Variants in ADAM22 observed in about 807,000 individuals in gnomAD.
The protein encoded by ADAM22 is ADAM metallopeptidase domain 22.
A neutral mutation model predicts 144.6 loss-of-function variants in ADAM22; 65 were observed. The ratio of observed to expected loss-of-function variants is 0.45; its 90% CI spans 0.37 to 0.55. The LOEUF (loss-of-function observed/expected upper bound fraction) is 0.55, where lower values mean the gene tolerates loss of function less well. Ranked by LOEUF, ADAM22 falls within the 20% of genes least tolerant of loss-of-function variation. The pLI is 0.00. For synonymous variants in ADAM22, 391 were observed against 412.6 expected, an observed-to-expected ratio of 0.95 and a Z score of 0.63; for missense variants, 974 against 1,184.9, an observed-to-expected ratio of 0.82 and a Z score of 2.61.
At position 88,129,474 on chromosome 7, in the gene ADAM22, A is replaced by G. The variant is rs1585996907; in HGVS notation, c.753+798A>G. On this transcript the variant is annotated intron_variant, in intron 9 of 31. Transcript: ENST00000413139. Reference sequence around the variant, plus strand: ...TAGATCTTAATTATTACAGTTGCTAATAATAATAATAACAACACAATCAGG... The same window carrying G: ...TAGATCTTAATTATTACAGTTGCTAGTAATAATAATAACAACACAATCAGG... 5.9e-5 allele frequency among the ~76,000 whole-genome samples: 9 copies of G among 151,908 alleles called. No individual in the cohort carries two copies. In the South Asian group the frequency reaches 1.9e-3, roughly 31 times the overall value.
At chr7:88,115,728 C>T (rs1827601892) in intron 6 of ADAM22, among the ~76,000 whole-genome samples, 1 of 152,190 alleles carries the variant, frequency 6.6e-6, no homozygotes, top group East Asian at 1.9e-4. Context: ...ATCAAATCCA[C>T]AGAGCTGTGA....
At chr7:88,108,410 A>G in intron 5 of ADAM22, 152 bp downstream of exon 5, 4 of 690,410 alleles carry the variant, frequency 5.8e-6, no homozygotes, top group Non-Finnish European at 4.7e-6. Context: ...TTTGTATTTT[A>G]TAAACCAAGC....
intron 3 of ADAM22, among the ~76,000 whole-genome samples, chr7:87,991,979 A>G (rs1305710087): frequency 2.6e-5 from 4 of 152,208 alleles, no homozygotes; most frequent in Non-Finnish European, 5.9e-5. Context: ...ATTTGATCAG[A>G]GATAAGTGAA....
rs1851103583 is a variant in ADAM22 at position 88,200,373 on chromosome 7, G to C, written c.*3882G>C. 1.3e-5 allele frequency: 2 copies of C among 152,296 alleles called. No homozygotes were observed. Among genetic ancestry groups the C allele is most frequent in the East Asian group, 3.9e-4 (2 of 5,188 alleles). The allele number at this position is 152,296 out of a possible 1,614,324, so 9.4% of individuals were successfully genotyped here. A position where few individuals can be genotyped will look rare whatever the true frequency, so the allele number is the denominator to read the frequency against. The stretch of plus-strand genomic sequence containing the variant: ...TTGGCAGGATATTGAGTAGCTTGTA[G>C]AGTATATGGAAGGGGAGAGCCAAGT... On this transcript the variant is annotated 3_prime_UTR_variant, in exon 32 of 32. Transcript: ENST00000413139.
rs754049310 is a variant in ADAM22, at chr7:87,988,775, G to A, written c.323+10363G>A. On this transcript the variant is annotated intron_variant, in intron 3 of 31. Coordinates refer to ENST00000413139, the MANE Select transcript of ADAM22 (RefSeq NM_001324418.2). ...TCAGGTGTGCTTTTTAGCAATGATAGAAGTAGCGAGTAGGCCTCTTAAATT... is the reference window on the plus strand; with the variant it reads ...TCAGGTGTGCTTTTTAGCAATGATAAAAGTAGCGAGTAGGCCTCTTAAATT... Among the ~76,000 whole-genome samples, 53 of 152,236 alleles carry A rather than the reference G, an allele frequency of 3.5e-4. No individual in the cohort carries two copies. The Middle Eastern group carries it at 0.017, about 49-fold the overall frequency.
chr7:87,955,631 G>C lies in ADAM22; in HGVS notation c.246+20445G>C, dbSNP rs148870280. On this transcript the variant is annotated intron_variant, in intron 2 of 31. Coordinates refer to ENST00000413139, the MANE Select transcript of ADAM22 (RefSeq NM_001324418.2). ...TGCCCGTTCTCAGATCTCCAGCTGC[G>C]TGCTGGGAGAACCACTGCTCTCCTC... is the stretch of plus-strand genomic sequence containing the variant. Among the ~76,000 whole-genome samples the C allele has an allele frequency of 4.1e-3, 624 of 152,282 alleles. 2 individuals are homozygous for C. The highest frequency in any genetic ancestry group is 0.014 in the African/African-American group (589 of 41,570).
At chr7:87,978,203 G>A (rs768862685) in intron 2 of ADAM22, 133 bp from the exon 3 acceptor site, 5 of 728,588 alleles carry the variant, frequency 6.9e-6, no homozygotes, top group African/African-American at 3.6e-5. Context: ...ACTTTAATAT[G>A]TTTTCACTTA....
At chr7:87,971,039 G>A (rs972985580) in intron 2 of ADAM22, among the ~76,000 whole-genome samples, 2 of 151,974 alleles carry the variant, frequency 1.3e-5, no homozygotes, top group Admixed American at 1.3e-4. Context: ...CCATATCCAT[G>A]TAATTTCTTT....
At chr7:88,057,854 T>C (rs1808710918) in intron 3 of ADAM22, among the ~76,000 whole-genome samples, 1 of 152,168 alleles carries the variant, frequency 6.6e-6, no homozygotes, top group African/African-American at 2.4e-5. Flanking sequence ...TTGAGATAAA[T>C]GGTGAGACAT....
intron 2 of ADAM22, among the ~76,000 whole-genome samples, chr7:87,977,648 A>G (rs868140809): frequency 8.5e-5 from 13 of 152,192 alleles, no homozygotes; most frequent in African/African-American, 3.1e-4. Flanking sequence ...GTATGCAAAT[A>G]TTAGTGCTAT....
intron 9 of ADAM22, among the ~76,000 whole-genome samples, 177 bp from the exon 10 acceptor site, chr7:88,130,211 A>G (rs1831411035): frequency 6.6e-6 from 1 of 152,146 alleles, no homozygotes; most frequent in African/African-American, 2.4e-5. Context: ...CAGCAGATAA[A>G]GAACTTGATC....
At chr7:88,193,349 G>GA (rs1423307827) in intron 31 of ADAM22, 110 bp downstream of exon 31, 22 of 1,305,088 alleles carry the variant, frequency 1.7e-5, no homozygotes, top group African/African-American at 3.0e-5. Context: ...CTAAGAAAAT[G>GA]AAAAAATCAA....
At chr7:88,157,227 C>T (rs1840227072) in intron 22 of ADAM22, among the ~76,000 whole-genome samples, 1 of 151,820 alleles carries the variant, frequency 6.6e-6, no homozygotes. Flanking sequence ...CTTGAGTTTC[C>T]ATATTAACAG....
At chr7:88,114,231 A>G (rs537356720) in intron 5 of ADAM22, among the ~76,000 whole-genome samples, 6 of 152,166 alleles carry the variant, frequency 3.9e-5, no homozygotes, top group Non-Finnish European at 8.8e-5. Flanking sequence ...GTTCCAGTCC[A>G]TAAATCTGAG....
chr7:88,133,247 C>T (rs1364150587), intron 12 of ADAM22, among the ~76,000 whole-genome samples: 2 of 151,776 alleles, frequency 1.3e-5, no homozygotes, highest in Non-Finnish European at 2.9e-5. Flanking sequence ...CCTGTAGCCC[C>T]AGCTACTGGG....
intron 29 of ADAM22, 127 bp from the exon 30 acceptor site, chr7:88,186,488 A>G: frequency 2.7e-6 from 2 of 740,812 alleles, no homozygotes; most frequent in East Asian, 2.5e-5. Context: ...CCCAACATCC[A>G]TTCTGGTTTA....
intron 31 of ADAM22, among the ~76,000 whole-genome samples, chr7:88,194,772 G>A (rs1181725793): frequency 1.3e-5 from 2 of 152,104 alleles, no homozygotes; most frequent in African/African-American, 4.8e-5. Flanking sequence ...ACCATTATCT[G>A]AGCATCAGTT....
intron 13 of ADAM22, among the ~76,000 whole-genome samples, chr7:88,135,101 A>G (rs1158276265): frequency 6.6e-6 from 1 of 151,716 alleles, no homozygotes; most frequent in Non-Finnish European, 1.5e-5. Context: ...AACATGGTGA[A>G]ACCCTGTCTA....
In ADAM22 at chr7:87,976,192, A is replaced by C. The variant is rs148105975; in HGVS notation, c.247-2144A>C. Among the ~76,000 whole-genome samples, 31 of 152,298 alleles carry C rather than the reference A, an allele frequency of 2.0e-4. 1 individual carries two copies. In the East Asian group the frequency reaches 6.0e-3, roughly 29 times the overall value. ...GAGGAGGAGATGAGGAGGCTAGACG[A>C]GGTTGGAAAGGCTTCATGGAAGAGG... On this transcript the variant is annotated intron_variant, in intron 2 of 31. Transcript: ENST00000413139.
Sources: gnomAD v4.1 joint callset for allele counts (sites outside exome capture counted in the v4.1 genomes callset) on GRCh38, gnomAD v4.1.1 for gene constraint, MANE v1.5 for transcripts, NCBI Gene and HGNC (gene_info 2026-07-23, HGNC 2026-07-21) for gene names.